NHS: variants seen among roughly 807,000 people sequenced by gnomAD.
NHS encodes actin remodeling regulator NHS.
NHS carries 5 observed loss-of-function variants against 72.5 expected under a neutral mutation model. The ratio of observed to expected loss-of-function variants is 0.07; its 90% CI spans 0.04 to 0.14. The LOEUF is 0.14. Ranked by LOEUF, NHS falls within the 10% of genes least tolerant of loss-of-function variation. NHS has a pLI of 1.00. For missense variants in NHS, 1,072 were observed against 1,355.7 expected (o/e 0.79, Z 3.29); for synonymous variants, 464 against 547.7 (o/e 0.85, Z 2.13).
At chrX:17,482,692 T>G (rs1284557153) in intron 1 of NHS, among the ~76,000 whole-genome samples, 2 of 111,981 alleles carry the variant, frequency 1.8e-5, no homozygotes, top group Non-Finnish European at 3.8e-5. Context: ...CATCCGGTGC[T>G]GTCATGGATT....
intron 1 of NHS, among the ~76,000 whole-genome samples, chrX:17,435,633 G>C (rs2064718397): frequency 8.8e-6 from 1 of 113,037 alleles, no homozygotes; most frequent in South Asian, 3.6e-4. Context: ...AAGCAGAAAA[G>C]GGCCAAAGGG....
intron 1 of NHS, among the ~76,000 whole-genome samples, chrX:17,421,737 T>C (rs1031818669): frequency 3.3e-4 from 36 of 110,466 alleles, no homozygotes; most frequent in African/African-American, 1.1e-3. Context: ...CCACCACACC[T>C]GGCTAATTTT....
intron 1 of NHS, among the ~76,000 whole-genome samples, chrX:17,634,114 CA>C (rs1279973442): frequency 2.7e-5 from 3 of 112,047 alleles, no homozygotes; most frequent in African/African-American, 9.7e-5. Context: ...TCAGCCATGC[CA>C]GCCACTGATG....
intron 1 of NHS, among the ~76,000 whole-genome samples, chrX:17,588,524 C>CA (rs2065586809): frequency 1.8e-5 from 2 of 111,212 alleles, no homozygotes; most frequent in Non-Finnish European, 3.8e-5. Flanking sequence ...AGGTGGATGA[C>CA]AGAGAGAAAT....
chrX:17,439,015 A>G (rs1261540956), intron 1 of NHS, among the ~76,000 whole-genome samples: 1 of 107,277 alleles, frequency 9.3e-6, no homozygotes, highest in Non-Finnish European at 1.9e-5. Context: ...GAATTTCAGC[A>G]TGATCTCCCC....
At chrX:17,476,095 G>C (rs1180164351) in intron 1 of NHS, among the ~76,000 whole-genome samples, 3 of 112,140 alleles carry the variant, frequency 2.7e-5, no homozygotes, top group Non-Finnish European at 5.6e-5. Flanking sequence ...GGGATTGGCA[G>C]AGAAAGCCTG....
intron 1 of NHS, among the ~76,000 whole-genome samples, chrX:17,381,197 TG>T (rs2064376268): frequency 8.9e-6 from 1 of 112,211 alleles, no homozygotes; most frequent in East Asian, 2.8e-4. Context: ...AAATACTTCA[TG>T]GGCTTTGACT....
At chrX:17,444,695 G>T (rs749195152) in intron 1 of NHS, among the ~76,000 whole-genome samples, 1 of 111,194 alleles carries the variant, frequency 9.0e-6, no homozygotes, top group South Asian at 3.8e-4. Flanking sequence ...AGGCAACCCT[G>T]GGAATTTACC....
chrX:17,443,100 C>A (rs2064763732), intron 1 of NHS, among the ~76,000 whole-genome samples: 1 of 112,138 alleles, frequency 8.9e-6, no homozygotes, highest in Non-Finnish European at 1.9e-5. Flanking sequence ...AGTCATACTC[C>A]CTAGAATCAA....
At chrX:17,561,501 A>T (rs1761101887) in intron 1 of NHS, among the ~76,000 whole-genome samples, 2 of 107,505 alleles carry the variant, frequency 1.9e-5, no homozygotes, top group South Asian at 8.3e-4. Context: ...GTCTACGTCT[A>T]TACTCCTCAA....
chrX:17,472,813 A>G (rs1209375654), intron 1 of NHS, among the ~76,000 whole-genome samples: 1 of 112,151 alleles, frequency 8.9e-6, no homozygotes, highest in African/African-American at 3.2e-5. Context: ...CACCATGTGC[A>G]GAACAGTTTT....
intron 1 of NHS, among the ~76,000 whole-genome samples, chrX:17,651,288 A>C (rs983550297): frequency 2.5e-4 from 28 of 112,436 alleles, no homozygotes; most frequent in African/African-American, 8.7e-4. Flanking sequence ...CTAAATACCA[A>C]GGAAAGAGCA....
At chrX:17,532,535 A>G (rs1437932075) in intron 1 of NHS, among the ~76,000 whole-genome samples, 1 of 111,642 alleles carries the variant, frequency 9.0e-6, no homozygotes, top group Non-Finnish European at 1.9e-5. Flanking sequence ...TGTGCATTTG[A>G]AGGCTTCCTC....
chrX:17,391,010 C>T (rs2064442420), intron 1 of NHS, among the ~76,000 whole-genome samples: 1 of 111,669 alleles, frequency 9.0e-6, no homozygotes, highest in African/African-American at 3.3e-5. Flanking sequence ...TTTGTCAATT[C>T]AAAGGTTTTA....
intron 1 of NHS, among the ~76,000 whole-genome samples, chrX:17,524,898 G>A (rs898203641): frequency 1.8e-5 from 2 of 112,195 alleles, no homozygotes; most frequent in Non-Finnish European, 3.8e-5. Context: ...ATTCTTGCCT[G>A]GATAATGATT....
intron 1 of NHS, among the ~76,000 whole-genome samples, chrX:17,506,745 A>T (rs1238513855): frequency 9.0e-6 from 1 of 110,568 alleles, no homozygotes; most frequent in Admixed American, 9.7e-5. Context: ...ATCTATTCTC[A>T]CATCCTTCCA....
At chrX:17,379,554 C>T (rs1355333351) in intron 1 of NHS, among the ~76,000 whole-genome samples, 2 of 111,591 alleles carry the variant, frequency 1.8e-5, no homozygotes, top group Non-Finnish European at 3.8e-5. Context: ...GCGGGCAGAT[C>T]GCCTGAGGTC....
intron 1 of NHS, among the ~76,000 whole-genome samples, chrX:17,393,570 A>G (rs1468493750): frequency 8.9e-6 from 1 of 112,475 alleles, no homozygotes; most frequent in Non-Finnish European, 1.9e-5. Flanking sequence ...TGTGAGGAGA[A>G]TCCTCTTGGA....
chrX:17,648,950 G>A (rs765576254), intron 1 of NHS, among the ~76,000 whole-genome samples: 7 of 112,070 alleles, frequency 6.2e-5, no homozygotes, highest in East Asian at 5.6e-4. Flanking sequence ...AGATTATGGG[G>A]TAATGCCCAG....
Sources: gnomAD v4.1 joint callset for allele counts (sites outside exome capture counted in the v4.1 genomes callset) on GRCh38, gnomAD v4.1.1 for gene constraint, MANE v1.5 for transcripts, NCBI Gene and HGNC (gene_info 2026-07-23, HGNC 2026-07-21) for gene names.